Variants in GPC5 observed in about 807,000 individuals in gnomAD.
GPC5 encodes the protein glypican-5.
In GPC5, 47 loss-of-function variants were observed where a neutral mutation model predicts 53.9. The observed-to-expected ratio is 0.87, with a 90% CI of 0.69 to 1.11. The LOEUF (loss-of-function observed/expected upper bound fraction) is 1.11, where lower values mean the gene tolerates loss of function less well. Ranked by LOEUF, GPC5 falls within the 50% of genes most tolerant of loss-of-function variation. The probability of loss-of-function intolerance (pLI) is 0.00; values close to 1 mark genes in which losing one functional copy is unlikely to be tolerated. For synonymous variants in GPC5, 286 were observed against 263.3 expected (o/e 1.09, Z -0.84); for missense variants, 748 against 713.1 (o/e 1.05, Z -0.56).
At chr13:91,479,213 T>TA (rs563588123) in intron 2 of GPC5, among the ~76,000 whole-genome samples, 40 of 152,014 alleles carry the variant, frequency 2.6e-4, no homozygotes, top group Non-Finnish European at 4.9e-4. Context: ...ACACTCAGCC[T>TA]TTAATTAATA....
chr13:91,888,092 T>A (rs2039345353), intron 5 of GPC5, among the ~76,000 whole-genome samples: 1 of 152,128 alleles, frequency 6.6e-6, no homozygotes, highest in Admixed American at 6.5e-5. Context: ...AAAAAGAGGT[T>A]TAATGGATAC....
intron 6 of GPC5, among the ~76,000 whole-genome samples, chr13:92,109,889 T>C (rs2041543125): frequency 6.6e-6 from 1 of 152,174 alleles, no homozygotes; most frequent in African/African-American, 2.4e-5. Context: ...TGTTGTATAT[T>C]ATGAATATAC....
At chr13:91,584,493 A>C (rs1295925473) in intron 2 of GPC5, among the ~76,000 whole-genome samples, 43 of 152,222 alleles carry the variant, frequency 2.8e-4, no homozygotes, top group Admixed American at 2.8e-3. Context: ...AAATATCTTC[A>C]TAATTTTAGG....
intron 7 of GPC5, among the ~76,000 whole-genome samples, chr13:92,518,592 C>T (rs1212762746): frequency 2.0e-5 from 3 of 152,138 alleles, no homozygotes; most frequent in Non-Finnish European, 4.4e-5. Flanking sequence ...GATTTTGTCA[C>T]CACCAGGCCT....
intron 2 of GPC5, among the ~76,000 whole-genome samples, chr13:91,687,149 A>G (rs1480066098): frequency 6.6e-6 from 1 of 151,994 alleles, no homozygotes; most frequent in Non-Finnish European, 1.5e-5. Context: ...GTTATTCATA[A>G]TCATTGCTTT....
intron 7 of GPC5, among the ~76,000 whole-genome samples, chr13:92,436,487 C>A (rs1321277405): frequency 2.0e-5 from 3 of 152,146 alleles, no homozygotes; most frequent in Non-Finnish European, 4.4e-5. Context: ...CTCAGCTCTT[C>A]ACAGTTCTTG....
chr13:91,964,788 G>A (rs1313176364), intron 6 of GPC5, among the ~76,000 whole-genome samples: 2 of 152,118 alleles, frequency 1.3e-5, no homozygotes, highest in African/African-American at 4.8e-5. Flanking sequence ...GCACATGTGT[G>A]TTTATTGCGG....
chr13:91,917,178 A>C (rs2139010921), intron 6 of GPC5, among the ~76,000 whole-genome samples: 1 of 152,336 alleles, frequency 6.6e-6, no homozygotes, highest in African/African-American at 2.4e-5. Context: ...GCATTGGGTA[A>C]ACACACCCAT....
At chr13:91,542,872 T>C (rs2030035095) in intron 2 of GPC5, among the ~76,000 whole-genome samples, 1 of 147,226 alleles carries the variant, frequency 6.8e-6, no homozygotes, top group African/African-American at 2.5e-5. Flanking sequence ...TTTTTTTTTT[T>C]TTGAGATGGA....
intron 2 of GPC5, among the ~76,000 whole-genome samples, chr13:91,496,035 AAAT>A (rs144318350): frequency 0.18 from 27,099 of 151,022 alleles, 2,625 homozygotes; most frequent in African/African-American, 0.25. Flanking sequence ...AAAAAATAAA[AAAT>A]AAAAAATAAA....
rs1188593089 is a variant in GPC5, at chr13:92,419,158, T to G, written c.1561+274169T>G. Among the ~76,000 whole-genome samples, 4 of 152,276 alleles carry G rather than the reference T, an allele frequency of 2.6e-5. No individual in the cohort carries two copies. The East Asian group carries it at 7.7e-4, about 29-fold the overall frequency. On this transcript the variant is annotated intron_variant, in intron 7 of 7. Transcript: ENST00000377067. ...ATTTACTCATAAAAATCAATAAGAC[T>G]GCCACCTGGGTCATCAAAGGGACCA...
intron 6 of GPC5, among the ~76,000 whole-genome samples, chr13:92,095,250 C>T (rs927895144): frequency 3.9e-5 from 6 of 152,092 alleles, no homozygotes; most frequent in Non-Finnish European, 7.4e-5. Flanking sequence ...AATAAACTTA[C>T]CAAGTTATAG....
chr13:92,741,412 G>A (rs1889090002), intron 7 of GPC5, among the ~76,000 whole-genome samples: 1 of 151,798 alleles, frequency 6.6e-6, no homozygotes, highest in African/African-American at 2.4e-5. Flanking sequence ...CCATGAACAA[G>A]GAGGCTTTCA....
chr13:91,435,911 C>T (rs1879902576), intron 1 of GPC5, among the ~76,000 whole-genome samples: 1 of 152,092 alleles, frequency 6.6e-6, no homozygotes, highest in Non-Finnish European at 1.5e-5. Flanking sequence ...CTGGTTTAGT[C>T]TTGGGAGGGT....
intron 7 of GPC5, among the ~76,000 whole-genome samples, chr13:92,833,273 T>G (rs1878112096): frequency 6.6e-6 from 1 of 152,186 alleles, no homozygotes; most frequent in African/African-American, 2.4e-5. Flanking sequence ...CAGCTGTCCC[T>G]TGTGACTAAT....
intron 6 of GPC5, among the ~76,000 whole-genome samples, chr13:92,076,926 T>C (rs780604263): frequency 7.9e-5 from 12 of 152,298 alleles, no homozygotes; most frequent in Non-Finnish European, 1.5e-4. Flanking sequence ...TTATCTATTA[T>C]CTCTAAGGGC....
chr13:92,493,746 C>CTT (rs376972295), intron 7 of GPC5, among the ~76,000 whole-genome samples: 2 of 152,236 alleles, frequency 1.3e-5, no homozygotes, highest in Non-Finnish European at 2.9e-5. Flanking sequence ...GAAGCAAAGC[C>CTT]TTTGGATTCA....
At chr13:92,357,819 C>T (rs552897017) in intron 7 of GPC5, among the ~76,000 whole-genome samples, 1 of 151,614 alleles carries the variant, frequency 6.6e-6, no homozygotes, top group Non-Finnish European at 1.5e-5. Flanking sequence ...ATGACCCAAT[C>T]ACATCCCTGC....
intron 7 of GPC5, among the ~76,000 whole-genome samples, chr13:92,582,360 A>G (rs1296350418): frequency 6.6e-6 from 1 of 152,034 alleles, no homozygotes; most frequent in African/African-American, 2.4e-5. Flanking sequence ...ACCAAAAATG[A>G]GTAGATGTTT....
Sources: allele counts gnomAD v4.1 joint callset (sites outside exome capture counted in the v4.1 genomes callset), GRCh38; gene constraint gnomAD v4.1.1; transcripts MANE v1.5; gene names NCBI Gene and HGNC (gene_info 2026-07-23, HGNC 2026-07-21).